CACNA2D3: variants seen among roughly 807,000 people sequenced by gnomAD.
CACNA2D3 encodes voltage-dependent calcium channel subunit alpha-2/delta-3.
CACNA2D3 carries 60 observed loss-of-function variants against 160.6 expected under a neutral mutation model. The ratio of observed to expected loss-of-function variants is 0.37; its 90% CI spans 0.30 to 0.46. The LOEUF (loss-of-function observed/expected upper bound fraction) is 0.46, where lower values mean the gene tolerates loss of function less well. Among genes scored for constraint, CACNA2D3 ranks in the 20% least tolerant of loss-of-function variants. The probability of loss-of-function intolerance (pLI) is 1.00; values close to 1 mark genes in which losing one functional copy is unlikely to be tolerated. For synonymous variants in CACNA2D3, 558 were observed against 492.9 expected (o/e 1.13, Z -1.75); for missense variants, 1,205 against 1,365.0 (o/e 0.88, Z 1.85).
At chr3:54,776,071 G>C (rs1702419863) in intron 13 of CACNA2D3, among the ~76,000 whole-genome samples, 1 of 152,188 alleles carries the variant, frequency 6.6e-6, no homozygotes, top group African/African-American at 2.4e-5. Context: ...TTGTGTATCT[G>C]AGTTTACATT....
At chr3:54,962,320 C>T (rs1286970999) in intron 27 of CACNA2D3, among the ~76,000 whole-genome samples, 14 of 152,178 alleles carry the variant, frequency 9.2e-5, no homozygotes, top group Admixed American at 9.2e-4. Flanking sequence ...AATGCATTTG[C>T]TCACTGATAT....
chr3:54,128,698 GCA>G (rs1336725609), intron 2 of CACNA2D3, among the ~76,000 whole-genome samples: 1 of 152,168 alleles, frequency 6.6e-6, no homozygotes, highest in Non-Finnish European at 1.5e-5. Context: ...GTGCTTGTTG[GCA>G]CAGTCTTTGG....
chr3:54,925,245 G>C, intron 27 of CACNA2D3: 1 of 1,569,568 alleles, frequency 6.4e-7, no homozygotes, highest in Non-Finnish European at 8.7e-7. Flanking sequence ...ATTGGGATAG[G>C]AACCAGTTTG....
intron 2 of CACNA2D3, among the ~76,000 whole-genome samples, chr3:54,298,946 A>T (rs9713617): frequency 1.0e-3 from 5 of 4,844 alleles, no homozygotes; most frequent in Non-Finnish European, 2.2e-3. Context: ...CTGTTTCTTA[A>T]AAAAAAAAAA....
At chr3:54,275,157 G>A (rs1037866021) in intron 2 of CACNA2D3, among the ~76,000 whole-genome samples, 1 of 152,190 alleles carries the variant, frequency 6.6e-6, no homozygotes, top group Non-Finnish European at 1.5e-5. Flanking sequence ...TCTTGTGCCT[G>A]ATGGGCACTC....
chr3:54,172,221 C>A (rs933625851), intron 2 of CACNA2D3, among the ~76,000 whole-genome samples: 2 of 152,234 alleles, frequency 1.3e-5, no homozygotes, highest in African/African-American at 4.8e-5. Flanking sequence ...TGTAAATCCA[C>A]ATTGAAAGGT....
At chr3:54,499,070 G>C (rs573777185) in intron 4 of CACNA2D3, among the ~76,000 whole-genome samples, 3 of 152,200 alleles carry the variant, frequency 2.0e-5, no homozygotes, top group African/African-American at 7.2e-5. Flanking sequence ...GTGCTCTTCA[G>C]TTGTTAGGTA....
intron 11 of CACNA2D3, among the ~76,000 whole-genome samples, chr3:54,648,031 A>T (rs1699686651): frequency 6.6e-6 from 1 of 152,232 alleles, no homozygotes. Context: ...CTGCTTTTCC[A>T]AGTGAACTAA....
rs770522408 is a variant in CACNA2D3 at position 55,018,263 on chromosome 3, C to G, written c.2933C>G (p.Ser978Cys). ...PCDTEYPAFVSERTIKETTGN... is the reference protein window; with the variant it reads ...PCDTEYPAFVCERTIKETTGN... ...GATACTGAATATCCAGCATTCGTCTCTGAGCGCACCATCAAGGAGACTACA... is the reference window on the plus strand; with the variant it reads ...GATACTGAATATCCAGCATTCGTCTGTGAGCGCACCATCAAGGAGACTACA... The change falls in exon 35 of 38, where the codon TCT becomes TGT. Residue 978 changes from serine to cysteine, a missense_variant. Around this residue, in one of 3 missense-constraint regions of CACNA2D3, gnomAD observed 911 missense variants for 1,002.2 expected, o/e 0.91. Transcript: ENST00000474759. 21 of 1,613,376 alleles carry G rather than the reference C, an allele frequency of 1.3e-5. No individual in the cohort carries two copies. Among genetic ancestry groups the G allele is most frequent in the Non-Finnish European group, 1.6e-5 (19 of 1,179,628 alleles).
At chr3:54,315,526 C>G (rs1436634705) in intron 2 of CACNA2D3, among the ~76,000 whole-genome samples, 1 of 152,090 alleles carries the variant, frequency 6.6e-6, no homozygotes, top group African/African-American at 2.4e-5. Flanking sequence ...AATTTTTAGA[C>G]CCTCAGTCAC....
At position 54,891,605 on chromosome 3, in the gene CACNA2D3, G is replaced by A. The variant is rs182253929; in HGVS notation, c.2246+155G>A. ...ATTTTTCCTCTCTGTTCTACCATGC[G>A]GGCCCCAGCATGTGCTTTCACCTGC... On this transcript the variant is annotated intron_variant, in intron 25 of 37. Coordinates refer to ENST00000474759, the MANE Select transcript of CACNA2D3 (RefSeq NM_018398.3). Among the ~76,000 whole-genome samples the A allele has an allele frequency of 7.2e-5, 11 of 152,264 alleles. No homozygotes were observed. The East Asian group carries it at 2.1e-3, about 29-fold the overall frequency.
intron 9 of CACNA2D3, among the ~76,000 whole-genome samples, chr3:54,614,777 T>C (rs1452234987): frequency 6.6e-6 from 1 of 152,102 alleles, no homozygotes; most frequent in Non-Finnish European, 1.5e-5. Flanking sequence ...AACTACTGTA[T>C]GGGGCCTTGG....
intron 12 of CACNA2D3, among the ~76,000 whole-genome samples, chr3:54,760,632 G>A (rs933181326): frequency 2.2e-4 from 34 of 152,262 alleles, no homozygotes; most frequent in African/African-American, 8.2e-4. Context: ...TGTGGACTCT[G>A]GGTGAGAGAT....
intron 3 of CACNA2D3, among the ~76,000 whole-genome samples, chr3:54,358,605 C>T (rs1036141121): frequency 2.0e-5 from 3 of 152,170 alleles, no homozygotes; most frequent in South Asian, 2.1e-4. Flanking sequence ...TGAGAGACCT[C>T]CTAGGGGGAG....
At chr3:54,693,749 G>A (rs1168785655) in intron 11 of CACNA2D3, among the ~76,000 whole-genome samples, 1 of 151,856 alleles carries the variant, frequency 6.6e-6, no homozygotes, top group Non-Finnish European at 1.5e-5. Flanking sequence ...CTAGGCTAAT[G>A]TGGGTGTTTG....
chr3:54,815,523 T>A (rs1703429500), intron 13 of CACNA2D3, among the ~76,000 whole-genome samples: 1 of 152,176 alleles, frequency 6.6e-6, no homozygotes, highest in Non-Finnish European at 1.5e-5. Flanking sequence ...GATGTCTCAT[T>A]TAGTTGCTTT....
intron 29 of CACNA2D3, among the ~76,000 whole-genome samples, chr3:54,976,728 C>A (rs1271140501): frequency 6.6e-6 from 1 of 152,156 alleles, no homozygotes; most frequent in Non-Finnish European, 1.5e-5. Flanking sequence ...CCTATTTTTG[C>A]AGCTTGGTTT....
At chr3:54,946,134 C>T (rs1253603767) in intron 27 of CACNA2D3, among the ~76,000 whole-genome samples, 2 of 152,208 alleles carry the variant, frequency 1.3e-5, no homozygotes, top group Non-Finnish European at 2.9e-5. Flanking sequence ...GAAAGACTCT[C>T]AGTTCTATGG....
Position 54,319,199 on chromosome 3 carries a change from C to CACACACAT in CACNA2D3, c.205-1241_205-1240insACACATAC, listed in dbSNP as rs1291286123. ...ACACACACACACACACACACACACA[C>CACACACAT]ACCCTTCCTCGAGTCAAGGAGAAAC... On this transcript the variant is annotated intron_variant, in intron 2 of 37. Transcript: ENST00000474759. Among the ~76,000 whole-genome samples the CACACACAT allele has an allele frequency of 9.7e-3, 1,445 of 149,258 alleles. 24 individuals carry two copies. Among genetic ancestry groups the CACACACAT allele is most frequent in the East Asian group, 0.039 (190 of 4,874 alleles).
Sources: allele counts gnomAD v4.1 joint callset (sites outside exome capture counted in the v4.1 genomes callset), GRCh38; gene constraint gnomAD v4.1.1; regional missense constraint gnomAD v4.1.1; transcripts MANE v1.5; gene names NCBI Gene and HGNC (gene_info 2026-07-23, HGNC 2026-07-21).